The following BOD1 variants were observed in gnomAD, a reference collection of about 807,000 sequenced individuals.
The protein encoded by BOD1 is biorientation of chromosomes in cell division 1, also known as biorientation of chromosomes in cell division protein 1.
BOD1 carries 11 observed loss-of-function variants against 15.7 expected under a neutral mutation model. The observed-to-expected ratio is 0.70, with a 90% CI of 0.44 to 1.16. The LOEUF is 1.16. BOD1 is among the 50% of genes most tolerant of loss of function. The pLI is 0.00. For synonymous variants in BOD1, 105 were observed against 103.5 expected, an observed-to-expected ratio of 1.01 and a Z score of -0.09; for missense variants, 182 against 244.5, an observed-to-expected ratio of 0.74 and a Z score of 1.70.
chr5:173,609,001 G>A (rs1288372775), intron 3 of BOD1, among the ~76,000 whole-genome samples: 1 of 152,170 alleles, frequency 6.6e-6, no homozygotes, highest in Admixed American at 6.5e-5. Context: ...GATTTCTAAT[G>A]AAGCATCTAT....
chr5:173,616,253 G>T lies in BOD1; in HGVS notation c.184C>A (p.Arg62=). 1.3e-6 allele frequency: 2 copies of T among 1,569,612 alleles called. No individual in the cohort carries two copies. Among genetic ancestry groups the T allele is most frequent in the Non-Finnish European group, 1.7e-6 (2 of 1,158,652 alleles). The change falls in exon 1 of 4, where the codon CGG becomes AGG. Residue 62 remains arginine (R), a synonymous_variant. Transcript: ENST00000311086. ...CGGCGGAAGCTGTCAAAAAGGCCCC[G>T]GCTCTTGAGCTGCTCCACGATGAGA... ...IALIVEQLKS[R]GLFDSFRRDC... is the part of the protein sequence containing the mutation.
rs751277430 is a variant in BOD1 at position 173,616,220 on chromosome 5, G to A, written c.217C>T (p.Leu73=). The change falls in exon 1 of 4, where the codon CTG becomes TTG. Residue 73 remains leucine, a synonymous_variant. Transcript: ENST00000311086. ...GLFDSFRRDC[L]ADVDTKPAYQ... ...GCTACCTTGGTGTCCACGTCGGCCA[G>A]GCAGTCCCGGCGGAAGCTGTCAAAA... is the stretch of plus-strand genomic sequence containing the variant. 9 of 1,578,240 alleles carry A rather than the reference G, an allele frequency of 5.7e-6. No individual in the cohort carries two copies. The highest frequency in any genetic ancestry group is 6.9e-6 in the Non-Finnish European group (8 of 1,162,862).
In BOD1 at chr5:173,613,346, GTTA is replaced by G; in HGVS notation, c.238-94_238-92del. ...TCAGAACACTGCTTTTCACAGAAAC[GTTA>G]TTAAGTCTAAATACACTTCCACTGT... On this transcript the variant is annotated intron_variant, in intron 1 of 3. Coordinates refer to ENST00000311086, the MANE Select transcript of BOD1 (RefSeq NM_138369.3). The G allele has an allele frequency of 9.6e-6, 14 of 1,454,884 alleles. No individual in the cohort carries two copies. In the Middle Eastern group the frequency reaches 7.1e-4, roughly 74 times the overall value. 90.1% of individuals were successfully genotyped at this position (1,454,884 alleles called of 1,614,324 possible). A position where few individuals can be genotyped will look rare whatever the true frequency, so the allele number is the denominator to read the frequency against.
intron 2 of BOD1, among the ~76,000 whole-genome samples, chr5:173,610,366 A>G (rs950604899): frequency 6.6e-6 from 1 of 152,246 alleles, no homozygotes; most frequent in African/African-American, 2.4e-5. Flanking sequence ...ACAGCAAAGG[A>G]AAGACATGAG....
At position 173,607,155 on chromosome 5, in the gene BOD1, T is replaced by C. The variant is rs757574804; in HGVS notation, c.*1139A>G. On this transcript the variant is annotated 3_prime_UTR_variant, in exon 4 of 4. Coordinates refer to ENST00000311086, the MANE Select transcript of BOD1 (RefSeq NM_138369.3). ...TATCCAAGGCTTATTATACAGAGTA[T>C]GTTCAGAGGCCTGGCAGCATCAGCA... Among the ~76,000 whole-genome samples, 4 of 152,332 alleles carry C rather than the reference T, an allele frequency of 2.6e-5. No homozygotes were observed. In the South Asian group the frequency reaches 6.2e-4, roughly 24 times the overall value.
At chr5:173,614,152 C>G (rs1345233911) in intron 1 of BOD1, among the ~76,000 whole-genome samples, 2 of 152,206 alleles carry the variant, frequency 1.3e-5, no homozygotes, top group Non-Finnish European at 2.9e-5. Flanking sequence ...GCACGCCTAC[C>G]ACCCTCTGGG....
rs751187603 is a variant in BOD1 at position 173,616,366 on chromosome 5, C to A, written c.71G>T (p.Gly24Val). ...GGCCCCAGTAGCGCCAGTCGCTGCC[C>A]CGGCAGAGGCCTGGCTAGTTCCGCC... The part of the protein sequence containing the change: ...GGGGTSQASA[G>V]AATGATGASG... Residue 24 changes from glycine to valine, a missense_variant, in exon 1 of 4, where the codon GGG becomes GTG. Gly to Val is a moderately radical substitution (Grantham distance 109, BLOSUM62 -3). This residue lies in a region of BOD1 where 72 missense variants were observed against 68.9 expected (regional missense o/e 1.05). Transcript: ENST00000311086. 32 of 1,528,280 alleles carry A rather than the reference C, an allele frequency of 2.1e-5. No homozygotes were observed. The highest frequency in any genetic ancestry group is 2.7e-5 in the Non-Finnish European group (31 of 1,144,354). The allele number at this position is 1,528,280 out of a possible 1,614,324, so 94.7% of individuals were successfully genotyped here. A position where few individuals can be genotyped will look rare whatever the true frequency, so the allele number is the denominator to read the frequency against.
rs1755290452 is a variant in BOD1, at chr5:173,609,439, T to C, written c.363-5A>G. The C allele has an allele frequency of 1.6e-6, 2 of 1,239,948 alleles. No homozygotes were observed. Among genetic ancestry groups the C allele is most frequent in the Non-Finnish European group, 2.2e-6 (2 of 911,856 alleles). The allele number at this position is 1,239,948 out of a possible 1,614,324, so 76.8% of individuals were successfully genotyped here. A position where few individuals can be genotyped will look rare whatever the true frequency, so the allele number is the denominator to read the frequency against. The stretch of plus-strand genomic sequence containing the variant: ...CCAGCTTCCAACATCCCTGACCTTG[T>C]GGAGACAAACAGATCATTCTGTTAT... On this transcript the variant is annotated splice_region_variant and splice_polypyrimidine_tract_variant and intron_variant, in intron 2 of 3. Transcript: ENST00000311086.
intron 2 of BOD1, among the ~76,000 whole-genome samples, chr5:173,610,558 G>A (rs572833129): frequency 2.6e-5 from 4 of 152,302 alleles, no homozygotes; most frequent in African/African-American, 9.6e-5. Context: ...GCATTAGACA[G>A]TATCGGCCCT....
In BOD1 at chr5:173,608,278, GGT is replaced by G. The variant is rs1449305394; in HGVS notation, c.*14_*15del. Reference sequence around the variant, plus strand: ...CTTCACCAAAAATTAGCTTTCAAAAGGTGTCTGGCGTATTCTAAAAAGGAAAG... The same window carrying G: ...CTTCACCAAAAATTAGCTTTCAAAAGGTCTGGCGTATTCTAAAAAGGAAAG... On this transcript the variant is annotated 3_prime_UTR_variant, in exon 4 of 4. Coordinates refer to ENST00000311086, the MANE Select transcript of BOD1 (RefSeq NM_138369.3). 2 of 1,611,278 alleles carry G rather than the reference GGT, an allele frequency of 1.2e-6. No individual in the cohort carries two copies. Among genetic ancestry groups the G allele is most frequent in the Non-Finnish European group, 1.7e-6 (2 of 1,177,640 alleles).
chr5:173,615,711 T>A (rs140224321), intron 1 of BOD1, among the ~76,000 whole-genome samples: 1 of 152,336 alleles, frequency 6.6e-6, no homozygotes, highest in African/African-American at 2.4e-5. Flanking sequence ...GTTTCTACAA[T>A]TTATCTTAAT....
intron 2 of BOD1, among the ~76,000 whole-genome samples, chr5:173,609,936 C>T (rs1755304839): frequency 6.6e-6 from 1 of 152,218 alleles, no homozygotes; most frequent in African/African-American, 2.4e-5. Flanking sequence ...ATTTACATCA[C>T]CAGCAATTCA....
rs779102180 is a variant in BOD1, at chr5:173,609,258, G to A, written c.539C>T (p.Pro180Leu). The change falls in exon 3 of 4, where the codon CCA becomes CTA. Residue 180 changes from proline to leucine, a missense_variant. Pro to Leu is a moderately conservative substitution (Grantham distance 98). Around this residue, in one of 3 missense-constraint regions of BOD1, gnomAD observed 40 missense variants for 45.3 expected, o/e 0.88. Coordinates refer to ENST00000311086, the MANE Select transcript of BOD1 (RefSeq NM_138369.3). ...TGGACCTTAGGAAGTGTCCTGAGAT[G>A]GAGCTGGAGGGTCCTGGCCTTCGGG... ...PEPEGQDPPAPSQDTS is the reference protein window; with the variant it reads ...PEPEGQDPPALSQDTS 1.9e-6 allele frequency: 3 copies of A among 1,613,958 alleles called. No individual in the cohort carries two copies. Among genetic ancestry groups the A allele is most frequent in the East Asian group, 2.2e-5 (1 of 44,898 alleles).
chr5:173,611,529 A>AG (rs201982253), intron 2 of BOD1, among the ~76,000 whole-genome samples: 12 of 150,754 alleles, frequency 8.0e-5, no homozygotes, highest in African/African-American at 2.9e-4. Flanking sequence ...ATCAAAAAGC[A>AG]GGGAAAAAAA....
intron 2 of BOD1, among the ~76,000 whole-genome samples, chr5:173,610,175 G>A (rs1051773438): frequency 2.6e-5 from 4 of 152,228 alleles, no homozygotes; most frequent in Non-Finnish European, 5.9e-5. Context: ...GGACAGTCTG[G>A]AAAATAGCCC....
intron 2 of BOD1, among the ~76,000 whole-genome samples, chr5:173,610,605 TCCG>T (rs1215416507): frequency 6.6e-6 from 1 of 152,148 alleles, no homozygotes; most frequent in Admixed American, 6.5e-5. Context: ...AAAGTTAGCA[TCCG>T]GCTATGGGAT....
chr5:173,611,087 CA>C (rs1755338740), intron 2 of BOD1, among the ~76,000 whole-genome samples: 1 of 152,158 alleles, frequency 6.6e-6, no homozygotes, highest in Non-Finnish European at 1.5e-5. Flanking sequence ...CCCAACTGAC[CA>C]AAACCCCTGA....
At chr5:173,616,129 G>C in intron 1 of BOD1, 71 bp downstream of exon 1, 1 of 1,531,274 alleles carries the variant, frequency 6.5e-7, no homozygotes, top group Admixed American at 2.0e-5. Context: ...CTCGGCTTTC[G>C]AAAATCAAAG....
chr5:173,614,367 G>GT (rs1369896948), intron 1 of BOD1, among the ~76,000 whole-genome samples: 1 of 152,142 alleles, frequency 6.6e-6, no homozygotes, highest in African/African-American at 2.4e-5. Flanking sequence ...ACCAAAACAC[G>GT]TAACAAACCC....
Sources: allele counts gnomAD v4.1 joint callset (sites outside exome capture counted in the v4.1 genomes callset), GRCh38; gene constraint gnomAD v4.1.1; regional missense constraint gnomAD v4.1.1; transcripts MANE v1.5; gene names NCBI Gene and HGNC (gene_info 2026-07-23, HGNC 2026-07-21).